Variants in KCP observed in about 807,000 individuals in gnomAD.
KCP encodes the protein kielin cysteine rich BMP regulator.
KCP carries 194 observed loss-of-function variants against 212.7 expected under a neutral mutation model. That is an observed-to-expected ratio of 0.91 (90% CI 0.81 to 1.03). The LOEUF (loss-of-function observed/expected upper bound fraction) is 1.03, where lower values mean the gene tolerates loss of function less well. Ranked by LOEUF, KCP falls within the 50% of genes least tolerant of loss-of-function variation. The probability of loss-of-function intolerance (pLI) is 0.00; values close to 1 mark genes in which losing one functional copy is unlikely to be tolerated. For missense variants in KCP, 2,080 were observed against 2,162.5 expected (o/e 0.96, Z 0.76); for synonymous variants, 833 against 865.3 (o/e 0.96, Z 0.65).
intron 16 of KCP, 67 bp downstream of exon 16, chr7:128,892,447 C>T: frequency 8.4e-7 from 1 of 1,188,724 alleles, no homozygotes; most frequent in Non-Finnish European, 1.2e-6. Context: ...CCTGTTGGGC[C>T]CATGGGGCTG....
chr7:128,886,598 G>A (rs1283198394), intron 25 of KCP, 41 bp from the exon 26 acceptor site: 2 of 1,550,854 alleles, frequency 1.3e-6, no homozygotes, highest in Non-Finnish European at 1.7e-6. Flanking sequence ...GCCTAGGCTG[G>A]GGCCCAGAGG....
chr7:128,907,241 T>C, intron 3 of KCP, 23 bp downstream of exon 3: 1 of 1,536,830 alleles, frequency 6.5e-7, no homozygotes, highest in Non-Finnish European at 8.8e-7. Flanking sequence ...GTGGCCCCAG[T>C]GGGCGGATAG....
At position 128,881,949 on chromosome 7, in the gene KCP, C is replaced by T. The variant is rs373591796; in HGVS notation, c.3312G>A (p.Thr1104=). 153 of 1,551,316 alleles carry T rather than the reference C, an allele frequency of 9.9e-5. 1 individual carries two copies. In the East Asian group the frequency reaches 3.1e-3, roughly 32 times the overall value. The stretch of plus-strand genomic sequence containing the variant: ...CAGGAGGGCTCACCTGGCACTGGCA[C>T]GTGTAGCAGGGGTCTGGTGGGGCTA... ...SELAPPDPCY[T]CQCQDLTWLC... Residue 1104 remains threonine, a synonymous_variant, in exon 30 of 40, where the codon ACG becomes ACA. Transcript: ENST00000610776.
intron 29 of KCP, among the ~76,000 whole-genome samples, 200 bp downstream of exon 29, chr7:128,883,802 C>T (rs1424730512): frequency 6.6e-6 from 1 of 152,238 alleles, no homozygotes; most frequent in Non-Finnish European, 1.5e-5. Context: ...CAAACTGCAC[C>T]CAGCTGCGGA....
rs752593899 is a variant in KCP, at chr7:128,877,050, G to A, written c.4880C>T (p.Thr1627Ile). Residue 1627 changes from threonine (T) to isoleucine (I), a missense_variant, in exon 40 of 40, where the codon ACA becomes ATA. By Grantham distance (89) the Thr-to-Ile change is moderately conservative (BLOSUM62 -1). Coordinates refer to ENST00000610776, the MANE Select transcript of KCP (RefSeq NM_001366122.1). The part of the protein sequence containing the change: ...RPSPSREPQE[T>I]P Reference sequence around the variant, plus strand: ...ATCAGGCACTGTCCTGGCTCAGGGTGTCTCCTGGGGCTCCCGGCTGGGGCT... The same window carrying A: ...ATCAGGCACTGTCCTGGCTCAGGGTATCTCCTGGGGCTCCCGGCTGGGGCT... 2 of 1,530,278 alleles carry A rather than the reference G, an allele frequency of 1.3e-6. No homozygotes were observed. Among genetic ancestry groups the A allele is most frequent in the East Asian group, 2.5e-5 (1 of 40,660 alleles). The allele number at this position is 1,530,278 out of a possible 1,614,324, so 94.8% of individuals were successfully genotyped here. A position where few individuals can be genotyped will look rare whatever the true frequency, so the allele number is the denominator to read the frequency against.
At chr7:128,910,345 T>C (rs1795366153) in intron 1 of KCP, among the ~76,000 whole-genome samples, 1 of 152,182 alleles carries the variant, frequency 6.6e-6, no homozygotes, top group Non-Finnish European at 1.5e-5. Context: ...GACTCCCAGA[T>C]GCCAGGGCAG....
In KCP at chr7:128,879,600, C is replaced by A. The variant is rs1465399643; in HGVS notation, c.4068G>T (p.Leu1356Phe). 1 of 1,550,432 alleles carries A rather than the reference C, an allele frequency of 6.4e-7. No homozygotes were observed. Among genetic ancestry groups the A allele is most frequent in the Non-Finnish European group, 8.7e-7 (1 of 1,146,984 alleles). Residue 1356 changes from leucine to phenylalanine, a missense_variant, in exon 37 of 40, where the codon TTG becomes TTT. By Grantham distance (22) the Leu-to-Phe change is conservative. Coordinates refer to ENST00000610776, the MANE Select transcript of KCP (RefSeq NM_001366122.1). ...AVTVDGHPVA[L>F]PFLQEPLLYV... is the part of the protein sequence containing the mutation. The stretch of plus-strand genomic sequence containing the variant: ...ACAGCAGCGGCTCCTGCAGGAAGGG[C>A]AAGGCCACCGGGTGCCCATCCACCT...
intron 10 of KCP, 37 bp from the exon 11 acceptor site, chr7:128,893,936 C>G: frequency 1.3e-6 from 2 of 1,549,742 alleles, no homozygotes; most frequent in African/African-American, 1.4e-5. Flanking sequence ...CAGAGGCAGG[C>G]CCCGGAGCCA....
intron 37 of KCP, chr7:128,879,028 C>A: frequency 2.3e-6 from 1 of 431,830 alleles, no homozygotes. Context: ...TCCGGGGATT[C>A]ACTTTCTCAT....
At chr7:128,910,559 G>A (rs1285946555) in intron 1 of KCP, 42 bp downstream of exon 1, 5 of 1,487,288 alleles carry the variant, frequency 3.4e-6, no homozygotes, top group East Asian at 2.7e-5. Flanking sequence ...GAGGGAGGGG[G>A]CGCACCTGGC....
Position 128,877,612 on chromosome 7 carries a change from A to T in KCP, c.4490T>A (p.Val1497Glu). 1 of 1,551,658 alleles carries T rather than the reference A, an allele frequency of 6.4e-7. No individual in the cohort carries two copies. The highest frequency in any genetic ancestry group is 8.7e-7 in the Non-Finnish European group (1 of 1,146,988). Residue 1497 changes from valine (V) to glutamate (E), a missense_variant, in exon 39 of 40, where the codon GTG (valine) becomes GAG (glutamate). Coordinates refer to ENST00000610776, the MANE Select transcript of KCP (RefSeq NM_001366122.1). ...VPPEPFFAACVYDLCACGPGS... is the reference protein window; with the variant it reads ...VPPEPFFAACEYDLCACGPGS... ...AGGGCCACAGGCACACAGGTCATAC[A>T]CACAGGCGGCAAAGAAGGGCTCCGG... is the stretch of plus-strand genomic sequence containing the variant.
intron 21 of KCP, chr7:128,889,920 CTTTTTT>C (rs35633844): frequency 2.7e-4 from 27 of 99,588 alleles, no homozygotes; most frequent in South Asian, 6.1e-4. Context: ...TAGTGTCAGG[CTTTTTT>C]TTTTTTTTTT....
chr7:128,907,826 A>G (rs561451625), intron 2 of KCP, among the ~76,000 whole-genome samples: 145 of 152,326 alleles, frequency 9.5e-4, no homozygotes, highest in Non-Finnish European at 1.8e-3. Context: ...GCATGAAAGA[A>G]TCAATGTTAA....
chr7:128,879,376 A>C (rs1585191853), intron 37 of KCP, 146 bp downstream of exon 37: 2 of 631,182 alleles, frequency 3.2e-6, no homozygotes, highest in Non-Finnish European at 5.5e-6. Flanking sequence ...ACCCTGATCC[A>C]CCTCCCCTCA....
At chr7:128,908,248 A>AAGG (rs1563056882) in intron 2 of KCP, among the ~76,000 whole-genome samples, 178 bp downstream of exon 2, 4 of 79,076 alleles carry the variant, frequency 5.1e-5, no homozygotes, top group Non-Finnish European at 1.0e-4. Context: ...AGGAAGAAAG[A>AAGG]AAGAAGAAAG....
At chr7:128,896,245 A>G (rs1329586840) in intron 8 of KCP, among the ~76,000 whole-genome samples, 2 of 152,096 alleles carry the variant, frequency 1.3e-5, no homozygotes, top group East Asian at 3.9e-4. Context: ...GGGTGCATAT[A>G]CCCGGGTAAA....
chr7:128,908,325 G>C, intron 2 of KCP, 101 bp downstream of exon 2: 1 of 957,684 alleles, frequency 1.0e-6, no homozygotes, highest in Non-Finnish European at 1.4e-6. Context: ...TCAGATAAGA[G>C]CTCTATTTTA....
In KCP at chr7:128,892,616, G is replaced by T; in HGVS notation, c.1528-9C>A. The T allele has an allele frequency of 6.4e-7, 1 of 1,550,840 alleles. No homozygotes were observed. Among genetic ancestry groups the T allele is most frequent in the Non-Finnish European group, 8.7e-7 (1 of 1,146,228 alleles). On this transcript the variant is annotated splice_polypyrimidine_tract_variant and intron_variant, in intron 15 of 39. Transcript: ENST00000610776. Reference sequence around the variant, plus strand: ...CATGTCACAGTTCCATCCTGCGAGAGAGCAGGGGAGAGAGCAATCGGGGCA... The same window carrying T: ...CATGTCACAGTTCCATCCTGCGAGATAGCAGGGGAGAGAGCAATCGGGGCA...
Position 128,880,089 on chromosome 7 carries a change from C to G in KCP, c.3760-4G>C. On this transcript the variant is annotated splice_polypyrimidine_tract_variant and splice_region_variant and intron_variant, in intron 34 of 39. Coordinates refer to ENST00000610776, the MANE Select transcript of KCP (RefSeq NM_001366122.1). ...GACTCAGGGCAGGGGCCTTGTCCTG[C>G]ACTCAGCCCCAGACACTGTCAGACA... The G allele has an allele frequency of 6.5e-7, 1 of 1,530,192 alleles. No homozygotes were observed. The highest frequency in any genetic ancestry group is 8.8e-7 in the Non-Finnish European group (1 of 1,137,232). 94.8% of individuals were successfully genotyped at this position (1,530,192 alleles called of 1,614,324 possible).
Sources: allele counts gnomAD v4.1 joint callset (sites outside exome capture counted in the v4.1 genomes callset), GRCh38; gene constraint gnomAD v4.1.1; transcripts MANE v1.5; gene names NCBI Gene and HGNC (gene_info 2026-07-23, HGNC 2026-07-21).